The following THBS4 variants were observed in gnomAD, a reference collection of about 807,000 sequenced individuals.
THBS4 encodes the protein thrombospondin-4.
Under a neutral mutation model 115.7 loss-of-function variants are expected in THBS4, and 90 were observed. That is an observed-to-expected ratio of 0.78 (90% CI 0.66 to 0.93). THBS4 has a LOEUF of 0.93. THBS4 is among the 40% of genes least tolerant of loss of function. The pLI is 0.00. For missense variants in THBS4, 1,087 were observed against 1,232.7 expected (o/e 0.88, Z 1.77); for synonymous variants, 460 against 479.3 (o/e 0.96, Z 0.53).
At chr5:80,031,284 T>C (rs562773330), upstream of THBS4, among the ~76,000 whole-genome samples, 10 of 152,302 alleles carry the variant, frequency 6.6e-5, no homozygotes, top group East Asian at 1.9e-3. Flanking sequence ...AACTTTGTGC[T>C]AGTGCCAAGG....
At chr5:80,045,094 T>A (rs1833020277) in intron 2 of THBS4, among the ~76,000 whole-genome samples, 1 of 152,224 alleles carries the variant, frequency 6.6e-6, no homozygotes, top group Admixed American at 6.5e-5. Flanking sequence ...ATAATAACTT[T>A]CTTCAGACTA....
chr5:80,076,677 A>G (rs984144539), intron 15 of THBS4, among the ~76,000 whole-genome samples, 178 bp from the exon 16 acceptor site: 12 of 152,154 alleles, frequency 7.9e-5, no homozygotes, highest in African/African-American at 2.7e-4. Flanking sequence ...GGGGATGGGA[A>G]AATTGTCTCT....
At chr5:80,022,722 A>G (rs1406106894) in intron 2 of THBS4, among the ~76,000 whole-genome samples, 1 of 152,244 alleles carries the variant, frequency 6.6e-6, no homozygotes, top group African/African-American at 2.4e-5. Context: ...AGATCATGAG[A>G]AAACACCTTC....
chr5:79,998,982 G>T (rs1008531553), intron 2 of THBS4, among the ~76,000 whole-genome samples: 1 of 152,178 alleles, frequency 6.6e-6, no homozygotes, highest in South Asian at 2.1e-4. Context: ...CGGGAGTAAA[G>T]ATGCTCTCCA....
rs769479652 is a variant in THBS4 at position 80,068,144 on chromosome 5, T to C, written c.1347+19T>C. ...ATGTGTGGTAAGTTGTTTTTTGACT[T>C]CCTCTATCATTTTTCCTCTTCCATT... On this transcript the variant is annotated intron_variant, in intron 10 of 21. Coordinates refer to ENST00000350881, the MANE Select transcript of THBS4 (RefSeq NM_003248.6). 4.3e-6 allele frequency: 7 copies of C among 1,612,314 alleles called. No homozygotes were observed. The highest frequency in any genetic ancestry group is 5.9e-6 in the Non-Finnish European group (7 of 1,179,030).
At chr5:80,010,779 G>A (rs1832108333) in intron 2 of THBS4, among the ~76,000 whole-genome samples, 1 of 152,270 alleles carries the variant, frequency 6.6e-6, no homozygotes, top group Admixed American at 6.5e-5. Context: ...CGTTGAAGCT[G>A]AGCTGGTCCT....
chr5:80,032,028 G>A (rs895499434), upstream of THBS4, among the ~76,000 whole-genome samples: 1 of 152,028 alleles, frequency 6.6e-6, no homozygotes, highest in Non-Finnish European at 1.5e-5. Flanking sequence ...GGAGCTCACA[G>A]TTGGATACTG....
At chr5:79,999,559 A>G (rs1831857766) in intron 2 of THBS4, among the ~76,000 whole-genome samples, 1 of 152,198 alleles carries the variant, frequency 6.6e-6, no homozygotes, top group South Asian at 2.1e-4. Flanking sequence ...ATAGGGAGTT[A>G]TATTACTTTT....
At chr5:79,991,356 G>T in exon 1 of THBS4, 3 of 876,746 alleles carry the variant, frequency 3.4e-6, no homozygotes, top group Non-Finnish European at 5.1e-6. Flanking sequence ...TGAGAGATGA[G>T]AGAAACAACG....
chr5:80,061,192 A>G (rs1293489587), intron 7 of THBS4, among the ~76,000 whole-genome samples: 1 of 152,194 alleles, frequency 6.6e-6, no homozygotes, highest in Non-Finnish European at 1.5e-5. Context: ...CAAGATTCCT[A>G]GAGCCTTGGA....
intron 1 of THBS4, among the ~76,000 whole-genome samples, chr5:80,037,156 T>C (rs1343232366): frequency 6.6e-6 from 1 of 152,218 alleles, no homozygotes; most frequent in East Asian, 1.9e-4. Flanking sequence ...ATATACGTTC[T>C]TGACTTTTGA....
chr5:80,035,644 G>A lies in THBS4; in HGVS notation c.88+19G>A. 1 of 1,321,080 alleles carries A rather than the reference G, an allele frequency of 7.6e-7. No homozygotes were observed. The highest frequency in any genetic ancestry group is 9.7e-7 in the Non-Finnish European group (1 of 1,033,550). 81.8% of individuals were successfully genotyped at this position (1,321,080 alleles called of 1,614,324 possible). ...CCCCAGGGTAAGTGGGTTCGGGTCG[G>A]GCCTGGGAGCGCCGGGCACCGGGTG... On this transcript the variant is annotated intron_variant, in intron 1 of 21. Transcript: ENST00000350881. This position sits in a 1 kb window ranked among gnomAD's most constrained non-coding sequence, Gnocchi z 4.6.
intron 9 of THBS4, 104 bp downstream of exon 9, chr5:80,065,581 TA>T: frequency 7.9e-6 from 5 of 634,848 alleles, no homozygotes; most frequent in Non-Finnish European, 1.1e-5. Flanking sequence ...CATGTGGGCA[TA>T]ATATATTTGA....
At chr5:80,067,704 A>T (rs1335254958) in intron 9 of THBS4, 1 of 330,508 alleles carries the variant, frequency 3.0e-6, no homozygotes, top group African/African-American at 2.1e-5. Context: ...TGGCGCGGGC[A>T]ACTCAGTGTC....
chr5:80,012,486 G>A (rs536479598), intron 2 of THBS4, among the ~76,000 whole-genome samples: 10 of 152,290 alleles, frequency 6.6e-5, no homozygotes, highest in Non-Finnish European at 1.5e-5. Flanking sequence ...AGAGGGAGTA[G>A]GAGGGGCCAT....
rs17879556 is a variant in THBS4, at chr5:80,062,804, G to A, written c.1125+972G>A. Among the ~76,000 whole-genome samples, 285 of 152,224 alleles carry A rather than the reference G, an allele frequency of 1.9e-3. 1 individual carries two copies. Among genetic ancestry groups the A allele is most frequent in the African/African-American group, 6.6e-3 (276 of 41,522 alleles). ...GCGGTGTTTGGTTTTCTATCCTTGCGATAGTTTGCTCAGAATGATGGTTTC... is the reference window on the plus strand; with the variant it reads ...GCGGTGTTTGGTTTTCTATCCTTGCAATAGTTTGCTCAGAATGATGGTTTC... On this transcript the variant is annotated intron_variant, in intron 8 of 21. Coordinates refer to ENST00000350881, the MANE Select transcript of THBS4 (RefSeq NM_003248.6).
intron 2 of THBS4, among the ~76,000 whole-genome samples, chr5:79,999,977 T>C (rs1446605948): frequency 6.6e-6 from 1 of 152,170 alleles, no homozygotes; most frequent in East Asian, 1.9e-4. Context: ...TGGGTATTGT[T>C]CATAGCTTTT....
At chr5:80,079,451 T>C (rs1335762761) in intron 19 of THBS4, among the ~76,000 whole-genome samples, 193 bp downstream of exon 19, 1 of 152,198 alleles carries the variant, frequency 6.6e-6, no homozygotes, top group Admixed American at 6.5e-5. Context: ...TAACCTCTCA[T>C]GGTGGGAATC....
chr5:80,043,760 C>T (rs1832976618), intron 2 of THBS4, among the ~76,000 whole-genome samples: 1 of 152,204 alleles, frequency 6.6e-6, no homozygotes, highest in Non-Finnish European at 1.5e-5. Context: ...TCCAAGTCAG[C>T]CTACCCCAGG....
Sources: gnomAD v4.1 joint callset for allele counts (sites outside exome capture counted in the v4.1 genomes callset) on GRCh38, gnomAD v4.1.1 for gene constraint, Gnocchi (gnomAD v3.1) non-coding constraint, MANE v1.5 for transcripts, NCBI Gene and HGNC (gene_info 2026-07-23, HGNC 2026-07-21) for gene names.